Variants in PRKD1 observed in about 807,000 individuals in gnomAD.
PRKD1 encodes the protein serine/threonine-protein kinase D1.
PRKD1 carries 63 observed loss-of-function variants against 95.9 expected under a neutral mutation model. The observed-to-expected ratio is 0.66, with a 90% confidence interval of 0.54 to 0.81. The LOEUF (loss-of-function observed/expected upper bound fraction) is 0.81. Among genes scored for constraint, PRKD1 ranks in the 30% least tolerant of loss-of-function variants. The pLI, the probability that PRKD1 is intolerant of heterozygous loss-of-function variation, is 0.00. For synonymous variants in PRKD1, 425 were observed against 423.1 expected (o/e 1.00, Z -0.05); for missense variants, 1,048 against 1,165.3 (o/e 0.90, Z 1.47).
chr14:29,864,730 T>C (rs1354077914), intron 1 of PRKD1, among the ~76,000 whole-genome samples: 1 of 152,014 alleles, frequency 6.6e-6, no homozygotes, highest in Non-Finnish European at 1.5e-5. Context: ...AAAGAAGTAA[T>C]ATAGTTAAAA....
chr14:29,777,543 A>T (rs1888824191), intron 1 of PRKD1, among the ~76,000 whole-genome samples: 1 of 152,224 alleles, frequency 6.6e-6, no homozygotes, highest in Non-Finnish European at 1.5e-5. Flanking sequence ...AAAAGAGACA[A>T]AGAAGGTCAT....
intron 1 of PRKD1, among the ~76,000 whole-genome samples, chr14:29,850,405 A>C (rs1269554656): frequency 1.3e-5 from 2 of 151,788 alleles, no homozygotes; most frequent in East Asian, 3.9e-4. Flanking sequence ...TTTCTATACA[A>C]AATAACATTC....
At chr14:29,672,489 A>G (rs931706745) in intron 2 of PRKD1, among the ~76,000 whole-genome samples, 1 of 152,158 alleles carries the variant, frequency 6.6e-6, no homozygotes, top group Non-Finnish European at 1.5e-5. Context: ...TAAAAACACA[A>G]AATCATAGAA....
At chr14:29,813,473 T>C (rs1436077298) in intron 1 of PRKD1, among the ~76,000 whole-genome samples, 1 of 152,168 alleles carries the variant, frequency 6.6e-6, no homozygotes, top group Non-Finnish European at 1.5e-5. Context: ...CTGAGCCAGA[T>C]AAGAATTTTA....
At chr14:29,603,516 G>C (rs142754112) in intron 13 of PRKD1, among the ~76,000 whole-genome samples, 34 of 152,142 alleles carry the variant, frequency 2.2e-4, no homozygotes, top group Admixed American at 7.2e-4. Flanking sequence ...TAAGAAAAAA[G>C]TTCCAGCTAT....
intron 1 of PRKD1, among the ~76,000 whole-genome samples, chr14:29,922,399 A>G (rs891514481): frequency 6.6e-6 from 1 of 151,986 alleles, no homozygotes; most frequent in Non-Finnish European, 1.5e-5. Flanking sequence ...CATTTTTTGC[A>G]GTCTATAACA....
chr14:29,857,843 C>G (rs1055541749), intron 1 of PRKD1, among the ~76,000 whole-genome samples: 1 of 152,054 alleles, frequency 6.6e-6, no homozygotes, highest in Non-Finnish European at 1.5e-5. Flanking sequence ...TAAAAATCTC[C>G]CTAAAAGATG....
At chr14:29,850,172 T>C (rs1245015927) in intron 1 of PRKD1, among the ~76,000 whole-genome samples, 1 of 152,092 alleles carries the variant, frequency 6.6e-6, no homozygotes, top group East Asian at 1.9e-4. Context: ...ACCACTCTTA[T>C]TCAACATAGT....
chr14:29,900,559 A>C (rs1438936497), intron 1 of PRKD1, among the ~76,000 whole-genome samples: 1 of 152,206 alleles, frequency 6.6e-6, no homozygotes, highest in African/African-American at 2.4e-5. Context: ...AGCCTACAGA[A>C]TGGGAGAAAA....
chr14:29,762,244 G>A (rs1040093335), intron 1 of PRKD1, among the ~76,000 whole-genome samples: 3 of 152,032 alleles, frequency 2.0e-5, no homozygotes, highest in African/African-American at 7.3e-5. Context: ...ACTGAACTTG[G>A]CAACAAGTTC....
At chr14:29,664,858 C>T (rs1466344629) in intron 3 of PRKD1, among the ~76,000 whole-genome samples, 2 of 152,164 alleles carry the variant, frequency 1.3e-5, no homozygotes, top group South Asian at 2.1e-4. Flanking sequence ...TGTTCCAGCT[C>T]GCGACTCAAC....
chr14:29,756,901 T>G (rs1887726900), intron 1 of PRKD1, among the ~76,000 whole-genome samples: 1 of 152,246 alleles, frequency 6.6e-6, no homozygotes, highest in South Asian at 2.1e-4. Context: ...CTGGGACCTC[T>G]TTCTATGTGT....
At chr14:29,891,664 T>G (rs1006121054) in intron 1 of PRKD1, among the ~76,000 whole-genome samples, 1 of 152,066 alleles carries the variant, frequency 6.6e-6, no homozygotes, top group South Asian at 2.1e-4. Flanking sequence ...TGGGGTTTTT[T>G]TTTTTTCGTT....
At chr14:29,925,136 G>T (rs897453093) in intron 1 of PRKD1, among the ~76,000 whole-genome samples, 1 of 152,070 alleles carries the variant, frequency 6.6e-6, no homozygotes, top group Non-Finnish European at 1.5e-5. Flanking sequence ...AGAGAGAGAA[G>T]AAACTACTAG....
intron 1 of PRKD1, among the ~76,000 whole-genome samples, chr14:29,762,461 G>A (rs1054235979): frequency 2.6e-5 from 4 of 151,778 alleles, no homozygotes; most frequent in East Asian, 1.9e-4. Flanking sequence ...CAACTTAGAG[G>A]CTCTGCTCTG....
intron 1 of PRKD1, among the ~76,000 whole-genome samples, chr14:29,807,974 G>A (rs1890308238): frequency 6.6e-6 from 1 of 151,936 alleles, no homozygotes; most frequent in African/African-American, 2.4e-5. Flanking sequence ...CGCCCGCCTT[G>A]GCCTCCCAAC....
intron 4 of PRKD1, among the ~76,000 whole-genome samples, chr14:29,652,302 T>C (rs376847729): frequency 1.6e-4 from 25 of 152,268 alleles, no homozygotes; most frequent in Middle Eastern, 3.4e-3. Flanking sequence ...TTAAGACCTA[T>C]ATATTAGTAA....
intron 1 of PRKD1, among the ~76,000 whole-genome samples, chr14:29,814,872 A>T (rs1312011437): frequency 1.3e-5 from 2 of 152,246 alleles, no homozygotes; most frequent in Non-Finnish European, 2.9e-5. Context: ...AGCAAAATAT[A>T]GGAAAGAGCC....
intron 2 of PRKD1, among the ~76,000 whole-genome samples, chr14:29,668,435 T>C (rs2139225661): frequency 6.6e-6 from 1 of 152,252 alleles, no homozygotes. Flanking sequence ...CTAAACACAA[T>C]AGGCCCCTTA....
Sources: gnomAD v4.1 joint callset for allele counts (sites outside exome capture counted in the v4.1 genomes callset) on GRCh38, gnomAD v4.1.1 for gene constraint, MANE v1.5 for transcripts, NCBI Gene and HGNC (gene_info 2026-07-23, HGNC 2026-07-21) for gene names.